SPATA16: variants seen among roughly 807,000 people sequenced by gnomAD.
SPATA16 encodes the protein spermatogenesis-associated protein 16.
A neutral mutation model predicts 63.3 loss-of-function variants in SPATA16; 36 were observed. That is an observed-to-expected ratio of 0.57 (90% CI 0.44 to 0.75). The LOEUF (loss-of-function observed/expected upper bound fraction) is 0.75. Ranked by LOEUF, SPATA16 falls within the 30% of genes least tolerant of loss-of-function variation. The pLI, the probability that SPATA16 is intolerant of heterozygous loss-of-function variation, is 0.00. For synonymous variants in SPATA16, 203 were observed against 216.7 expected (o/e 0.94, Z 0.56); for missense variants, 646 against 679.3 (o/e 0.95, Z 0.54).
At chr3:172,902,888 A>G (rs1732151523) in intron 10 of SPATA16, among the ~76,000 whole-genome samples, 1 of 152,248 alleles carries the variant, frequency 6.6e-6, no homozygotes, top group Non-Finnish European at 1.5e-5. Flanking sequence ...AATCAGAAGG[A>G]TAAATGATCC....
chr3:173,049,120 A>T, intron 2 of SPATA16, 26 bp from the exon 3 acceptor site: 1 of 1,580,108 alleles, frequency 6.3e-7, no homozygotes, highest in Non-Finnish European at 8.6e-7. Flanking sequence ...TACTTTCAAC[A>T]TCTTAATAAT....
At chr3:172,954,522 T>C (rs1237008043) in intron 6 of SPATA16, among the ~76,000 whole-genome samples, 4 of 152,188 alleles carry the variant, frequency 2.6e-5, no homozygotes, top group Non-Finnish European at 5.9e-5. Flanking sequence ...AGGCCCTATC[T>C]GTCTTTATGT....
At chr3:173,019,389 G>C in intron 4 of SPATA16, 97 bp downstream of exon 4, 1 of 1,020,436 alleles carries the variant, frequency 9.8e-7, no homozygotes, top group Admixed American at 1.7e-5. Flanking sequence ...CATATTCCAT[G>C]AGAGAAATGG....
Position 172,978,159 on chromosome 3 carries a change from C to CTATA in SPATA16, c.849-1108_849-1107insTATA, listed in dbSNP as rs569557957. ...TCTCCCTCTCTCTCTCTCTCTCTCT[C>CTATA]TCTATATATATATATAAACACAGGT... is the stretch of plus-strand genomic sequence containing the variant. On this transcript the variant is annotated intron_variant, in intron 4 of 10. Transcript: ENST00000351008. 8.9e-3 allele frequency among the ~76,000 whole-genome samples: 1,317 copies of CTATA among 148,324 alleles called. 18 individuals are homozygous for CTATA. The highest frequency in any genetic ancestry group is 0.032 in the African/African-American group (1,250 of 39,366).
In SPATA16 at chr3:173,053,412, A is replaced by G. The variant is rs115024976; in HGVS notation, c.613-4318T>C. Among the ~76,000 whole-genome samples, 751 of 152,274 alleles carry G rather than the reference A, an allele frequency of 4.9e-3. 7 individuals are homozygous for G. Among genetic ancestry groups the G allele is most frequent in the African/African-American group, 0.017 (718 of 41,550 alleles). Reference sequence around the variant, plus strand: ...AATAATAATAGTAAAAGGAAATGTCAGTACTAAATTGGAATCATAAGCTCA... The same window carrying G: ...AATAATAATAGTAAAAGGAAATGTCGGTACTAAATTGGAATCATAAGCTCA... On this transcript the variant is annotated intron_variant, in intron 2 of 10. Transcript: ENST00000351008.
At chr3:173,123,229 T>G (rs1415052546) in intron 1 of SPATA16, among the ~76,000 whole-genome samples, 1 of 152,238 alleles carries the variant, frequency 6.6e-6, no homozygotes, top group African/African-American at 2.4e-5. Context: ...TCTCACTGGA[T>G]TAATCCATTT....
At chr3:172,998,753 A>G (rs569457334) in intron 4 of SPATA16, among the ~76,000 whole-genome samples, 4 of 152,212 alleles carry the variant, frequency 2.6e-5, no homozygotes, top group African/African-American at 9.6e-5. Context: ...TTGTGTCACG[A>G]ATATTTGTTG....
At chr3:173,138,147 C>T (rs1171123973) in intron 1 of SPATA16, among the ~76,000 whole-genome samples, 6 of 151,914 alleles carry the variant, frequency 3.9e-5, no homozygotes, top group Non-Finnish European at 8.8e-5. Flanking sequence ...CTTCGGTGAT[C>T]GTTCAAGACA....
chr3:173,048,105 T>G (rs1335228278), intron 3 of SPATA16, among the ~76,000 whole-genome samples: 1 of 152,116 alleles, frequency 6.6e-6, no homozygotes, highest in Non-Finnish European at 1.5e-5. Flanking sequence ...GCAGGAATTA[T>G]ATGTTCATAT....
intron 1 of SPATA16, among the ~76,000 whole-genome samples, chr3:173,131,453 A>T (rs775844329): frequency 1.6e-4 from 24 of 152,296 alleles, no homozygotes; most frequent in Admixed American, 5.2e-4. Flanking sequence ...AATCGTAGGC[A>T]TGGGAAAGAG....
intron 5 of SPATA16, among the ~76,000 whole-genome samples, chr3:172,962,051 G>A (rs1327025562): frequency 6.6e-6 from 1 of 151,962 alleles, no homozygotes; most frequent in Non-Finnish European, 1.5e-5. Flanking sequence ...CCAGGAGTTC[G>A]AAACCAGCAT....
chr3:172,924,273 G>C lies in SPATA16; in HGVS notation c.1273C>G (p.Gln425Glu). 6.2e-7 allele frequency: 1 copy of C among 1,613,380 alleles called. No individual in the cohort carries two copies. The highest frequency in any genetic ancestry group is 8.5e-7 in the Non-Finnish European group (1 of 1,179,658). Residue 425 changes from glutamine to glutamate, a missense_variant, in exon 8 of 11, where the codon CAA becomes GAA. Gln to Glu is a conservative substitution (Grantham distance 29, BLOSUM62 2). Coordinates refer to ENST00000351008, the MANE Select transcript of SPATA16 (RefSeq NM_031955.6). ...FGLTREDTVR[Q>E]METMGKRILP... ...ATTCGCTTCCCCATTGTCTCCATTT[G>C]CCTCACTGTATCTTCTCTGGTCAGA...
At chr3:173,013,574 A>G (rs1735117836) in intron 4 of SPATA16, among the ~76,000 whole-genome samples, 1 of 152,240 alleles carries the variant, frequency 6.6e-6, no homozygotes, top group Non-Finnish European at 1.5e-5. Context: ...GCAGGGATAC[A>G]GAGGCGGGAC....
At chr3:173,018,912 T>G (rs1735256168) in intron 4 of SPATA16, among the ~76,000 whole-genome samples, 1 of 152,208 alleles carries the variant, frequency 6.6e-6, no homozygotes, top group African/African-American at 2.4e-5. Context: ...GAAGGAATTC[T>G]GAGTGTAGCA....
intron 4 of SPATA16, among the ~76,000 whole-genome samples, chr3:173,018,606 T>G (rs1735250339): frequency 1.3e-5 from 2 of 152,094 alleles, no homozygotes. Flanking sequence ...CTCAAACTCT[T>G]GCTTCCAATG....
At chr3:173,086,647 C>G (rs1031087941) in intron 2 of SPATA16, among the ~76,000 whole-genome samples, 1 of 152,110 alleles carries the variant, frequency 6.6e-6, no homozygotes, top group African/African-American at 2.4e-5. Context: ...AATTTGAGAC[C>G]TTTCTAGCTT....
intron 2 of SPATA16, among the ~76,000 whole-genome samples, chr3:173,086,617 A>G (rs146680518): frequency 6.2e-4 from 95 of 152,154 alleles, no homozygotes; most frequent in African/African-American, 2.2e-3. Context: ...TAGTTCTGTT[A>G]GTTGCAATGT....
intron 2 of SPATA16, among the ~76,000 whole-genome samples, chr3:173,074,161 C>T (rs565490877): frequency 2.0e-5 from 3 of 152,322 alleles, no homozygotes; most frequent in South Asian, 2.1e-4. Flanking sequence ...TTTACAGGCT[C>T]ATAGGTGGAA....
intron 6 of SPATA16, among the ~76,000 whole-genome samples, chr3:172,945,573 G>A (rs767237646): frequency 2.6e-5 from 4 of 152,292 alleles, no homozygotes; most frequent in Middle Eastern, 6.8e-3. Flanking sequence ...GACTGTGTGC[G>A]TGGTGGAGGG....
Sources: gnomAD v4.1 joint callset for allele counts (sites outside exome capture counted in the v4.1 genomes callset) on GRCh38, gnomAD v4.1.1 for gene constraint, MANE v1.5 for transcripts, NCBI Gene and HGNC (gene_info 2026-07-23, HGNC 2026-07-21) for gene names.